SLC1A3: variants seen among roughly 807,000 people sequenced by gnomAD.
SLC1A3 encodes the protein excitatory amino acid transporter 1.
A neutral mutation model predicts 48.1 loss-of-function variants in SLC1A3; 21 were observed. The observed-to-expected ratio is 0.44, with a 90% confidence interval of 0.31 to 0.63. The LOEUF is 0.63. Ranked by LOEUF, SLC1A3 falls within the 20% of genes least tolerant of loss-of-function variation. SLC1A3 has a pLI of 0.08. For synonymous variants in SLC1A3, 239 were observed against 251.4 expected (o/e 0.95, Z 0.47); for missense variants, 546 against 689.0 (o/e 0.79, Z 2.32).
chr5:36,611,842 A>T (rs574986961), intron 2 of SLC1A3, among the ~76,000 whole-genome samples: 1 of 152,256 alleles, frequency 6.6e-6, no homozygotes, highest in African/African-American at 2.4e-5. Flanking sequence ...AGTCTTTGTC[A>T]TGTTCAAGTC....
chr5:36,608,826 C>T, intron 2 of SLC1A3: 3 of 1,306,132 alleles, frequency 2.3e-6, no homozygotes, highest in South Asian at 5.1e-5. Flanking sequence ...TTATGCAAAT[C>T]AATTGTGTGA....
At chr5:36,650,368 T>C (rs189213774) in intron 3 of SLC1A3, among the ~76,000 whole-genome samples, 2 of 152,354 alleles carry the variant, frequency 1.3e-5, no homozygotes, top group East Asian at 3.9e-4. Context: ...CCTTTAATAA[T>C]GCCATTAGTC....
intron 3 of SLC1A3, among the ~76,000 whole-genome samples, chr5:36,659,048 T>A (rs938379416): frequency 6.6e-6 from 1 of 152,132 alleles, no homozygotes; most frequent in African/African-American, 2.4e-5. Context: ...CAGATTACTA[T>A]CACAATTCCA....
At chr5:36,619,001 C>CT (rs1475471353) in intron 2 of SLC1A3, among the ~76,000 whole-genome samples, 1 of 152,202 alleles carries the variant, frequency 6.6e-6, no homozygotes, top group African/African-American at 2.4e-5. Context: ...GCAGTTGTCT[C>CT]TAAGAGTCAC....
At chr5:36,657,964 T>A (rs920760913) in intron 3 of SLC1A3, among the ~76,000 whole-genome samples, 1 of 152,192 alleles carries the variant, frequency 6.6e-6, no homozygotes, top group Non-Finnish European at 1.5e-5. Context: ...GAGTAGCTAC[T>A]AAGAGGGTGT....
At chr5:36,619,193 CAG>C (rs1396625220) in intron 2 of SLC1A3, among the ~76,000 whole-genome samples, 2 of 152,164 alleles carry the variant, frequency 1.3e-5, no homozygotes, top group Non-Finnish European at 2.9e-5. Context: ...GATGTGGAAA[CAG>C]AGGAGTGGGG....
chr5:36,619,947 C>G (rs757582697), intron 2 of SLC1A3, among the ~76,000 whole-genome samples: 32 of 152,264 alleles, frequency 2.1e-4, no homozygotes, highest in Middle Eastern at 3.4e-3. Flanking sequence ...CTTTTAAACT[C>G]AGAACTTAAA....
intron 6 of SLC1A3, among the ~76,000 whole-genome samples, chr5:36,679,387 A>C (rs1410307424): frequency 6.6e-6 from 1 of 152,184 alleles, no homozygotes; most frequent in Non-Finnish European, 1.5e-5. Context: ...AGCAATTCTC[A>C]GTGAGGGGAA....
upstream of SLC1A3, among the ~76,000 whole-genome samples, chr5:36,605,079 C>T (rs1298957209): frequency 2.6e-5 from 4 of 152,154 alleles, no homozygotes; most frequent in Non-Finnish European, 4.4e-5. Flanking sequence ...GATTGAAAAG[C>T]GTTTTGTTTC....
intron 3 of SLC1A3, among the ~76,000 whole-genome samples, chr5:36,662,620 T>A (rs1741561234): frequency 6.6e-6 from 1 of 152,174 alleles, no homozygotes; most frequent in African/African-American, 2.4e-5. Context: ...AAGGATGGGC[T>A]CATGTGAAGG....
At chr5:36,678,778 C>T (rs145966442) in intron 6 of SLC1A3, among the ~76,000 whole-genome samples, 1 of 152,270 alleles carries the variant, frequency 6.6e-6, no homozygotes, top group African/African-American at 2.4e-5. Flanking sequence ...TTATTGTCTG[C>T]AGAAGGAAAG....
intron 2 of SLC1A3, among the ~76,000 whole-genome samples, chr5:36,618,095 A>G (rs907254941): frequency 6.6e-6 from 1 of 152,246 alleles, no homozygotes; most frequent in African/African-American, 2.4e-5. Flanking sequence ...TGAGGAAACT[A>G]AGGAAATCAG....
At chr5:36,666,498 GA>G (rs1741754293) in intron 3 of SLC1A3, 1 of 152,184 alleles carries the variant, frequency 6.6e-6, no homozygotes, top group South Asian at 2.1e-4. Context: ...GAAGAACAAT[GA>G]AACATCATGG....
At chr5:36,667,478 G>A (rs1295460794) in intron 3 of SLC1A3, among the ~76,000 whole-genome samples, 1 of 152,168 alleles carries the variant, frequency 6.6e-6, no homozygotes, top group Admixed American at 6.5e-5. Flanking sequence ...AAAAAGAGAG[G>A]TATAGCAGTA....
chr5:36,620,036 G>T (rs909561287), intron 2 of SLC1A3, among the ~76,000 whole-genome samples: 4 of 152,052 alleles, frequency 2.6e-5, no homozygotes, highest in Admixed American at 2.0e-4. Flanking sequence ...GAAAAAAGAG[G>T]CCTGAAGAGA....
At chr5:36,670,947 A>G in intron 3 of SLC1A3, 82 bp from the exon 4 acceptor site, 2 of 1,228,738 alleles carry the variant, frequency 1.6e-6, no homozygotes, top group Non-Finnish European at 2.4e-6. Context: ...AGGGGAGTAT[A>G]AAGGAAATGC....
intron 2 of SLC1A3, among the ~76,000 whole-genome samples, chr5:36,628,641 C>A (rs978027827): frequency 2.0e-5 from 3 of 152,084 alleles, no homozygotes; most frequent in African/African-American, 7.2e-5. Context: ...TTATTGACAC[C>A]AATACCTTTA....
intron 2 of SLC1A3, among the ~76,000 whole-genome samples, chr5:36,623,247 AATCTT>A (rs1367707029): frequency 6.6e-6 from 1 of 152,172 alleles, no homozygotes; most frequent in Non-Finnish European, 1.5e-5. Context: ...GTAAAACAGA[AATCTT>A]AACTAATATT....
intron 8 of SLC1A3, among the ~76,000 whole-genome samples, chr5:36,683,531 A>T (rs1194529093): frequency 6.6e-6 from 1 of 152,046 alleles, no homozygotes; most frequent in African/African-American, 2.4e-5. Flanking sequence ...TAACATGGTG[A>T]AATCCTGCTC....
Sources: gnomAD v4.1 joint callset for allele counts (sites outside exome capture counted in the v4.1 genomes callset) on GRCh38, gnomAD v4.1.1 for gene constraint, MANE v1.5 for transcripts, NCBI Gene and HGNC (gene_info 2026-07-23, HGNC 2026-07-21) for gene names.